TTLL5: variants seen among roughly 807,000 people sequenced by gnomAD.
The protein encoded by TTLL5 is tubulin tyrosine ligase like 5.
In TTLL5, 132 loss-of-function variants were observed where a neutral mutation model predicts 168.4. The ratio of observed to expected loss-of-function variants is 0.78; its 90% CI spans 0.68 to 0.91. The LOEUF (loss-of-function observed/expected upper bound fraction) is 0.91. Ranked by LOEUF, TTLL5 falls within the 40% of genes least tolerant of loss-of-function variation. The pLI is 0.00. For synonymous variants in TTLL5, 546 were observed against 558.6 expected (o/e 0.98, Z 0.32); for missense variants, 1,545 against 1,581.5 (o/e 0.98, Z 0.39).
chr14:75,903,232 C>T (rs2033001407), intron 31 of TTLL5, among the ~76,000 whole-genome samples: 1 of 152,082 alleles, frequency 6.6e-6, no homozygotes, highest in African/African-American at 2.4e-5. Flanking sequence ...GCCCAGATCT[C>T]TAGGGACTGG....
chr14:75,923,188 G>GT (rs974958706), intron 31 of TTLL5, among the ~76,000 whole-genome samples: 2 of 152,124 alleles, frequency 1.3e-5, no homozygotes, highest in African/African-American at 4.8e-5. Flanking sequence ...TTTTTGAAGA[G>GT]TTTTTTGTGT....
At position 75,663,190 on chromosome 14, in the gene TTLL5, C is replaced by T; in HGVS notation, c.41C>T (p.Ser14Leu). The change falls in exon 2 of 32, where the codon TCA becomes TTA. Residue 14 changes from serine to leucine, a missense_variant. Coordinates refer to ENST00000298832, the MANE Select transcript of TTLL5 (RefSeq NM_015072.5). ...VMARDLEETA[S>L]SSEDEEVISQ... The stretch of plus-strand genomic sequence containing the variant: ...GCCCGGGACCTGGAGGAAACAGCAT[C>T]ATCCTCAGAGGATGAGGAGGTCATA... The T allele has an allele frequency of 6.2e-7, 1 of 1,613,568 alleles. No homozygotes were observed. The highest frequency in any genetic ancestry group is 8.5e-7 in the Non-Finnish European group (1 of 1,179,838).
At chr14:75,752,790 T>G (rs896869450) in intron 17 of TTLL5, 103 bp from the exon 18 acceptor site, 17 of 1,048,722 alleles carry the variant, frequency 1.6e-5, no homozygotes, top group Non-Finnish European at 2.2e-5. Flanking sequence ...AAAAACAGTA[T>G]ATAAGTACCC....
intron 28 of TTLL5, among the ~76,000 whole-genome samples, chr14:75,844,735 A>T (rs575947498): frequency 6.6e-6 from 1 of 152,106 alleles, no homozygotes; most frequent in African/African-American, 2.4e-5. Flanking sequence ...ATTCTTGGTC[A>T]CTCTAAGCCA....
chr14:75,786,962 A>G (rs966662358), intron 26 of TTLL5, among the ~76,000 whole-genome samples: 6 of 152,180 alleles, frequency 3.9e-5, no homozygotes, highest in Non-Finnish European at 8.8e-5. Context: ...GTAAAACCCA[A>G]TCTCTACTGA....
chr14:75,862,770 C>T (rs931521160), intron 28 of TTLL5, among the ~76,000 whole-genome samples: 5 of 151,736 alleles, frequency 3.3e-5, no homozygotes, highest in African/African-American at 9.7e-5. Flanking sequence ...GTTAAACCCC[C>T]GTCTCTACAA....
chr14:75,736,806 A>G lies in TTLL5; in HGVS notation c.1281+1517A>G, dbSNP rs142619555. Among the ~76,000 whole-genome samples, 254 of 152,318 alleles carry G rather than the reference A, an allele frequency of 1.7e-3. 5 individuals are homozygous for G. The highest frequency in any genetic ancestry group is 5.6e-3 in the African/African-American group (233 of 41,586). The stretch of plus-strand genomic sequence containing the variant: ...CAGGGTGTACTGTATTTTAAAGGCT[A>G]TTATCTTGGATTAAATATAAAATCA... On this transcript the variant is annotated intron_variant, in intron 15 of 31. Coordinates refer to ENST00000298832, the MANE Select transcript of TTLL5 (RefSeq NM_015072.5).
chr14:75,702,239 T>G (rs1202896145), intron 7 of TTLL5, among the ~76,000 whole-genome samples: 2 of 152,220 alleles, frequency 1.3e-5, no homozygotes, highest in Non-Finnish European at 2.9e-5. Context: ...ACCCTGAGTC[T>G]CCTGTGACAT....
At chr14:75,827,599 G>A (rs975115452) in intron 28 of TTLL5, among the ~76,000 whole-genome samples, 1 of 149,806 alleles carries the variant, frequency 6.7e-6, no homozygotes, top group Non-Finnish European at 1.5e-5. Flanking sequence ...CCATTCGTAT[G>A]CTTCAGGAGC....
intron 31 of TTLL5, among the ~76,000 whole-genome samples, chr14:75,939,377 T>G (rs772974155): frequency 6.6e-6 from 1 of 152,048 alleles, no homozygotes; most frequent in Non-Finnish European, 1.5e-5. Flanking sequence ...TGGTCTAGAG[T>G]CCCTTCATTT....
Position 75,945,708 on chromosome 14 carries a change from A to G in TTLL5, c.3824-8716A>G, listed in dbSNP as rs181561969. On this transcript the variant is annotated intron_variant, in intron 31 of 31. Transcript: ENST00000298832. ...CTAATTGGAGCTCTGGAAAGAAAAA[A>G]TGGGACAACATTTGAAGAGATAATG... Among the ~76,000 whole-genome samples the G allele has an allele frequency of 5.8e-3, 884 of 152,186 alleles. 9 individuals are homozygous for G. Among genetic ancestry groups the G allele is most frequent in the African/African-American group, 0.02 (825 of 41,462 alleles).
At chr14:75,783,805 G>C (rs1434149190) in intron 26 of TTLL5, among the ~76,000 whole-genome samples, 1 of 152,202 alleles carries the variant, frequency 6.6e-6, no homozygotes, top group Non-Finnish European at 1.5e-5. Context: ...GCCTAGTCAA[G>C]AGATTTCCTG....
chr14:75,885,808 G>A (rs1440764959), intron 30 of TTLL5, among the ~76,000 whole-genome samples: 1 of 152,178 alleles, frequency 6.6e-6, no homozygotes, highest in African/African-American at 2.4e-5. Context: ...AATAGTACCT[G>A]CCTCATAGGG....
chr14:75,791,579 G>T (rs1259062346), intron 26 of TTLL5, among the ~76,000 whole-genome samples: 1 of 152,006 alleles, frequency 6.6e-6, no homozygotes, highest in Non-Finnish European at 1.5e-5. Context: ...GATAAGGGGA[G>T]ATTAGGAATG....
chr14:75,930,605 C>G (rs928561012), intron 31 of TTLL5: 1 of 985,170 alleles, frequency 1.0e-6, no homozygotes, highest in East Asian at 1.1e-4. Context: ...TTGCAGAGAA[C>G]AAGAAATTCA....
chr14:75,820,221 C>G, intron 28 of TTLL5, 60 bp downstream of exon 28: 7 of 1,464,678 alleles, frequency 4.8e-6, no homozygotes, highest in Non-Finnish European at 3.6e-6. Flanking sequence ...GTGTCCCAAG[C>G]AAGCCATTCC....
intron 12 of TTLL5, among the ~76,000 whole-genome samples, chr14:75,726,017 G>A (rs986427964): frequency 6.6e-6 from 1 of 152,122 alleles, no homozygotes; most frequent in Admixed American, 6.5e-5. Context: ...TCATACAATA[G>A]CATTTCAGTG....
chr14:75,824,585 G>C (rs1411809422), intron 28 of TTLL5, among the ~76,000 whole-genome samples: 1 of 151,898 alleles, frequency 6.6e-6, no homozygotes, highest in East Asian at 1.9e-4. Flanking sequence ...AGGGGAGGGG[G>C]AATTAGTGTT....
At chr14:75,683,502 G>T (rs1210569903) in intron 4 of TTLL5, 48 bp from the exon 5 acceptor site, 1 of 1,408,790 alleles carries the variant, frequency 7.1e-7, no homozygotes. Context: ...CTGGAGAAGG[G>T]GTATCTCTGA....
Sources: allele counts gnomAD v4.1 joint callset (sites outside exome capture counted in the v4.1 genomes callset), GRCh38; gene constraint gnomAD v4.1.1; transcripts MANE v1.5; gene names NCBI Gene and HGNC (gene_info 2026-07-23, HGNC 2026-07-21).